Variants in PSD3 observed in about 807,000 individuals in gnomAD.
PSD3 encodes the protein PH and SEC7 domain-containing protein 3.
Under a neutral mutation model 105.5 loss-of-function variants are expected in PSD3, and 49 were observed. The ratio of observed to expected loss-of-function variants is 0.46; its 90% CI spans 0.37 to 0.59. The LOEUF is 0.59. Ranked by LOEUF, PSD3 falls within the 20% of genes least tolerant of loss-of-function variation. The probability of loss-of-function intolerance (pLI) is 0.00; values close to 1 mark genes in which losing one functional copy is unlikely to be tolerated. For missense variants in PSD3, 1,561 were observed against 1,263.8 expected (o/e 1.24, Z -3.57); for synonymous variants, 557 against 457.8 (o/e 1.22, Z -2.77).
intron 9 of PSD3, among the ~76,000 whole-genome samples, chr8:18,698,575 T>G (rs1024489702): frequency 6.6e-6 from 1 of 152,156 alleles, no homozygotes; most frequent in African/African-American, 2.4e-5. Context: ...AAAAAGATTC[T>G]CCCCTCGAGC....
intron 14 of PSD3, among the ~76,000 whole-genome samples, chr8:18,557,271 C>T (rs770165232): frequency 1.3e-5 from 2 of 152,128 alleles, no homozygotes; most frequent in Admixed American, 6.6e-5. Flanking sequence ...ACAGATCTGA[C>T]TAAATTAGGT....
intron 9 of PSD3, among the ~76,000 whole-genome samples, chr8:18,764,878 T>C (rs971604324): frequency 1.3e-5 from 2 of 152,194 alleles, no homozygotes; most frequent in African/African-American, 4.8e-5. Context: ...TTTACAATGC[T>C]GGAGAATGCA....
intron 8 of PSD3, among the ~76,000 whole-genome samples, chr8:18,774,162 G>T (rs1286643586): frequency 7.4e-6 from 1 of 134,496 alleles, no homozygotes; most frequent in Admixed American, 7.5e-5. Context: ...CTCCCATACA[G>T]ATTCCTTTAG....
intron 1 of PSD3, among the ~76,000 whole-genome samples, chr8:18,958,007 T>TAAAAG (rs1823684513): frequency 2.6e-5 from 4 of 152,200 alleles, no homozygotes; most frequent in African/African-American, 9.7e-5. Context: ...TATGCCCTTT[T>TAAAAG]ATCCAGCAAC....
chr8:18,820,903 C>A (rs1208234851), intron 4 of PSD3, among the ~76,000 whole-genome samples: 2 of 152,016 alleles, frequency 1.3e-5, no homozygotes, highest in East Asian at 3.9e-4. Flanking sequence ...GCGTGAGTCA[C>A]AATGCTCAGC....
chr8:18,839,619 C>T (rs1468273435), intron 4 of PSD3, among the ~76,000 whole-genome samples: 7 of 152,080 alleles, frequency 4.6e-5, no homozygotes, highest in Admixed American at 4.6e-4. Context: ...GTTTACTCAC[C>T]CAGAGAAAAA....
At chr8:18,795,314 G>C (rs1563277266) in intron 8 of PSD3, among the ~76,000 whole-genome samples, 1 of 152,134 alleles carries the variant, frequency 6.6e-6, no homozygotes, top group Non-Finnish European at 1.5e-5. Flanking sequence ...ATATGTAGGA[G>C]GCCCAGCCCG....
At chr8:18,688,136 T>C (rs780270633) in intron 9 of PSD3, among the ~76,000 whole-genome samples, 9 of 152,048 alleles carry the variant, frequency 5.9e-5, no homozygotes, top group Non-Finnish European at 1.3e-4. Flanking sequence ...TGGAGTGCAG[T>C]GATGCCATAA....
intron 1 of PSD3, among the ~76,000 whole-genome samples, chr8:19,040,191 G>A (rs1828074690): frequency 1.3e-5 from 2 of 152,270 alleles, no homozygotes; most frequent in South Asian, 4.1e-4. Flanking sequence ...GGCTTTTGCA[G>A]TTAAATTTTA....
intron 2 of PSD3, among the ~76,000 whole-genome samples, chr8:18,920,354 A>G (rs1466947542): frequency 1.3e-5 from 2 of 152,316 alleles, no homozygotes; most frequent in African/African-American, 2.4e-5. Context: ...AATTAAAATG[A>G]TTTTCATTAC....
At chr8:18,887,585 A>T (rs574088501) in intron 2 of PSD3, among the ~76,000 whole-genome samples, 433 of 152,352 alleles carry the variant, frequency 2.8e-3, no homozygotes, top group African/African-American at 1.0e-2. Flanking sequence ...AAGATGAGTA[A>T]GATATTGTAA....
intron 9 of PSD3, among the ~76,000 whole-genome samples, chr8:18,725,874 G>A (rs2129428959): frequency 6.6e-6 from 1 of 152,158 alleles, no homozygotes; most frequent in South Asian, 2.1e-4. Context: ...ATGACGCAAA[G>A]AAAAAGAAAA....
At chr8:18,874,150 AT>A (rs1817575091) in intron 2 of PSD3, among the ~76,000 whole-genome samples, 1 of 151,592 alleles carries the variant, frequency 6.6e-6, no homozygotes, top group Admixed American at 6.6e-5. Context: ...TACCATTTTT[AT>A]TTTATTTTAT....
intron 4 of PSD3, among the ~76,000 whole-genome samples, chr8:18,809,679 T>G (rs1811526125): frequency 6.6e-6 from 1 of 152,222 alleles, no homozygotes; most frequent in South Asian, 2.1e-4. Flanking sequence ...AAACTTTATT[T>G]CAAGAATTCC....
chr8:18,646,668 T>C (rs1233065309), intron 10 of PSD3, among the ~76,000 whole-genome samples: 1 of 152,018 alleles, frequency 6.6e-6, no homozygotes, highest in African/African-American at 2.4e-5. Flanking sequence ...ACTAAATCAG[T>C]CTAAACTAAT....
chr8:18,610,081 T>C (rs1304289909), intron 11 of PSD3, among the ~76,000 whole-genome samples: 1 of 152,170 alleles, frequency 6.6e-6, no homozygotes, highest in Admixed American at 6.5e-5. Context: ...AATTTACACA[T>C]TACAAAAAAA....
chr8:18,902,897 G>A (rs534720960), intron 2 of PSD3, among the ~76,000 whole-genome samples: 28 of 152,282 alleles, frequency 1.8e-4, no homozygotes, highest in African/African-American at 6.3e-4. Flanking sequence ...CACACAATGG[G>A]GAGACTTAGA....
At chr8:18,681,553 T>C (rs17127037) in intron 9 of PSD3, among the ~76,000 whole-genome samples, 8,067 of 150,704 alleles carry the variant, frequency 0.054, 524 homozygotes, top group African/African-American at 0.15. Context: ...CTGATTAAAA[T>C]TGGAGGAAAA....
At chr8:18,747,046 C>T (rs1334172300) in intron 9 of PSD3, among the ~76,000 whole-genome samples, 1 of 152,198 alleles carries the variant, frequency 6.6e-6, no homozygotes, top group Non-Finnish European at 1.5e-5. Flanking sequence ...GCGGTGTCAC[C>T]TTTGTTCATA....
Sources: allele counts gnomAD v4.1 joint callset (sites outside exome capture counted in the v4.1 genomes callset), GRCh38; gene constraint gnomAD v4.1.1; transcripts MANE v1.5; gene names NCBI Gene and HGNC (gene_info 2026-07-23, HGNC 2026-07-21).